Variants in DAPK2 observed in about 807,000 individuals in gnomAD.
The protein encoded by DAPK2 is death-associated protein kinase 2.
Under a neutral mutation model 44.1 loss-of-function variants are expected in DAPK2, and 35 were observed. The ratio of observed to expected loss-of-function variants is 0.79; its 90% CI spans 0.61 to 1.05. DAPK2 has a LOEUF of 1.05. DAPK2 is among the 50% of genes least tolerant of loss of function. The pLI is 0.00. For missense variants in DAPK2, 453 were observed against 483.2 expected, an observed-to-expected ratio of 0.94 and a Z score of 0.59; for synonymous variants, 174 against 182.6, an observed-to-expected ratio of 0.95 and a Z score of 0.38.
chr15:64,021,447 C>T lies in DAPK2; in HGVS notation c.92+18723G>A, dbSNP rs114737398. On this transcript the variant is annotated intron_variant, in intron 1 of 10. Coordinates refer to ENST00000261891, the Ensembl canonical transcript of DAPK2. Reference sequence around the variant, plus strand: ...TGTTGCTGCTGAATTTCTACCTTCTCCTGGGCTTGTAAACACAAGCTCAGC... The same window carrying T: ...TGTTGCTGCTGAATTTCTACCTTCTTCTGGGCTTGTAAACACAAGCTCAGC... Among the ~76,000 whole-genome samples the T allele has an allele frequency of 3.7e-3, 568 of 152,292 alleles. 3 individuals carry two copies. Among genetic ancestry groups the T allele is most frequent in the Middle Eastern group, 0.01 (3 of 294 alleles).
intron 2 of DAPK2, among the ~76,000 whole-genome samples, chr15:63,978,619 C>T (rs557897642): frequency 1.3e-5 from 2 of 152,280 alleles, no homozygotes; most frequent in South Asian, 4.1e-4. Context: ...GATACCCAGG[C>T]TGGGACATTC....
At chr15:63,954,433 C>T (rs1030989823) in intron 3 of DAPK2, among the ~76,000 whole-genome samples, 2 of 152,072 alleles carry the variant, frequency 1.3e-5, no homozygotes, top group Admixed American at 6.6e-5. Flanking sequence ...GTTGTTGGCA[C>T]CGTTGTCGAA....
intron 2 of DAPK2, among the ~76,000 whole-genome samples, chr15:63,973,155 C>A (rs940869571): frequency 6.6e-6 from 1 of 152,246 alleles, no homozygotes; most frequent in African/African-American, 2.4e-5. Context: ...TGTTGCCATA[C>A]TCCTCAGACA....
chr15:64,028,884 G>C (rs1223125206), intron 1 of DAPK2, among the ~76,000 whole-genome samples: 1 of 152,086 alleles, frequency 6.6e-6, no homozygotes, highest in Non-Finnish European at 1.5e-5. Context: ...GGTATACATA[G>C]GTCAAGGGTA....
exon 11 of DAPK2, chr15:63,907,264 T>A (rs1338265873): frequency 1.3e-5 from 2 of 152,154 alleles, no homozygotes; most frequent in Admixed American, 1.3e-4. Flanking sequence ...CATTTTAATT[T>A]AAGTGCCTTT....
At chr15:64,034,916 C>T (rs1025535534) in intron 1 of DAPK2, among the ~76,000 whole-genome samples, 1 of 152,066 alleles carries the variant, frequency 6.6e-6, no homozygotes, top group Non-Finnish European at 1.5e-5. Flanking sequence ...TCCTGTAATC[C>T]CAGCACTTCG....
intron 1 of DAPK2, among the ~76,000 whole-genome samples, chr15:63,992,704 T>C (rs913245148): frequency 2.6e-5 from 4 of 152,298 alleles, no homozygotes; most frequent in African/African-American, 9.6e-5. Context: ...ACCTGCCCTT[T>C]CCTTTCCTCC....
intron 1 of DAPK2, among the ~76,000 whole-genome samples, chr15:64,038,923 C>T (rs991314775): frequency 6.6e-6 from 1 of 152,164 alleles, no homozygotes. Context: ...CTGATTGCCT[C>T]CTTTAGAAAG....
At chr15:63,931,351 G>C (rs1249963976) in intron 4 of DAPK2, among the ~76,000 whole-genome samples, 2 of 152,196 alleles carry the variant, frequency 1.3e-5, no homozygotes, top group African/African-American at 4.8e-5. Context: ...AACAGGCCTT[G>C]ATAGGAAGAG....
chr15:64,024,928 G>C (rs1375761304), intron 1 of DAPK2, among the ~76,000 whole-genome samples: 1 of 152,158 alleles, frequency 6.6e-6, no homozygotes. Flanking sequence ...GGGTCCTAAG[G>C]CCTCAGGGTT....
chr15:63,983,270 GA>G (rs1463551790), intron 2 of DAPK2, among the ~76,000 whole-genome samples: 1 of 152,214 alleles, frequency 6.6e-6, no homozygotes, highest in Non-Finnish European at 1.5e-5. Flanking sequence ...AGGATCCAGT[GA>G]AAGCCAGACT....
chr15:63,915,929 A>G (rs2078915257), intron 8 of DAPK2, among the ~76,000 whole-genome samples: 1 of 152,168 alleles, frequency 6.6e-6, no homozygotes, highest in South Asian at 2.1e-4. Context: ...AATGTGGCAC[A>G]AACACTTTTG....
chr15:63,969,995 C>A (rs1000852212), intron 3 of DAPK2, among the ~76,000 whole-genome samples: 1 of 152,206 alleles, frequency 6.6e-6, no homozygotes, highest in Non-Finnish European at 1.5e-5. Context: ...TAATTAGGCA[C>A]CTAATCAATC....
intron 3 of DAPK2, among the ~76,000 whole-genome samples, chr15:63,950,224 AT>A (rs749023266): frequency 2.0e-5 from 3 of 151,576 alleles, no homozygotes; most frequent in Admixed American, 6.6e-5. Flanking sequence ...AGAGAAAACA[AT>A]TTTTTTTTGA....
upstream of DAPK2, chr15:64,040,361 T>A: frequency 1.1e-6 from 1 of 942,620 alleles, no homozygotes; most frequent in Non-Finnish European, 1.7e-6. Context: ...GCAAGGGAGC[T>A]AATAATTTAG....
chr15:63,983,377 T>G (rs2078579966), intron 2 of DAPK2, among the ~76,000 whole-genome samples, 156 bp downstream of exon 3: 1 of 152,190 alleles, frequency 6.6e-6, no homozygotes. Flanking sequence ...AGGGGGTAAC[T>G]GAGACAGAGG....
intron 1 of DAPK2, among the ~76,000 whole-genome samples, chr15:63,994,016 G>T (rs935527377): frequency 2.0e-5 from 3 of 152,138 alleles, no homozygotes; most frequent in African/African-American, 7.2e-5. Context: ...GACAAAGGAG[G>T]ACCAGGGCTT....
rs1000331546 is a variant in DAPK2 at position 63,923,744 on chromosome 15, A to G, written c.858+1072T>C. On this transcript the variant is annotated intron_variant, in intron 8 of 10. Coordinates refer to ENST00000261891, the Ensembl canonical transcript of DAPK2. The surrounding 1 kb of genome is among the most constrained non-coding windows in gnomAD (Gnocchi z 4.2). ...CTCCTTGGGCCTTCCCCATCCTTCAATGAGCTGATGAAGCTGAGCAGATAA... is the reference window on the plus strand; with the variant it reads ...CTCCTTGGGCCTTCCCCATCCTTCAGTGAGCTGATGAAGCTGAGCAGATAA... 3.9e-5 allele frequency among the ~76,000 whole-genome samples: 6 copies of G among 152,308 alleles called. No individual in the cohort carries two copies. In the East Asian group the frequency reaches 5.8e-4, roughly 15 times the overall value.
chr15:63,934,281 T>C (rs1255819197), intron 4 of DAPK2, among the ~76,000 whole-genome samples: 1 of 120,628 alleles, frequency 8.3e-6, no homozygotes, highest in Non-Finnish European at 1.7e-5. Flanking sequence ...TTTTTGAGAC[T>C]GAGTCTTGCT....
Sources: gnomAD v4.1 joint callset for allele counts (sites outside exome capture counted in the v4.1 genomes callset) on GRCh38, gnomAD v4.1.1 for gene constraint, Gnocchi (gnomAD v3.1) non-coding constraint, MANE v1.5 for transcripts, NCBI Gene and HGNC (gene_info 2026-07-23, HGNC 2026-07-21) for gene names.